DYM: variants seen among roughly 807,000 people sequenced by gnomAD.
DYM encodes dymeclin.
In DYM, 78 loss-of-function variants were observed where a neutral mutation model predicts 93.1. The ratio of observed to expected loss-of-function variants is 0.84; its 90% CI spans 0.70 to 1.01. DYM has a LOEUF of 1.01. DYM is among the 50% of genes least tolerant of loss of function. The probability of loss-of-function intolerance (pLI) is 0.00; values close to 1 mark genes in which losing one functional copy is unlikely to be tolerated. For missense variants in DYM, 789 were observed against 845.0 expected (o/e 0.93, Z 0.82); for synonymous variants, 321 against 319.7 (o/e 1.00, Z -0.04).
chr18:49,336,250 A>G (rs76378540), intron 6 of DYM, among the ~76,000 whole-genome samples: 12,229 of 152,262 alleles, frequency 0.08, 776 homozygotes, highest in East Asian at 0.31. Flanking sequence ...ACCAAAATCT[A>G]TGACTATTAA....
chr18:49,214,256 A>C (rs958680871), intron 13 of DYM, among the ~76,000 whole-genome samples: 1 of 152,214 alleles, frequency 6.6e-6, no homozygotes, highest in African/African-American at 2.4e-5. Flanking sequence ...GCCACTCCCC[A>C]CTGCTTGCAT....
intron 14 of DYM, among the ~76,000 whole-genome samples, chr18:49,201,827 G>C (rs1046301108): frequency 6.6e-6 from 1 of 152,126 alleles, no homozygotes; most frequent in Non-Finnish European, 1.5e-5. Context: ...AGAAGAGATC[G>C]CTTTTTATAT....
chr18:49,385,796 C>A (rs1235538738), intron 3 of DYM, among the ~76,000 whole-genome samples: 5 of 151,560 alleles, frequency 3.3e-5, no homozygotes, highest in African/African-American at 9.7e-5. Flanking sequence ...ATGGCCAGTG[C>A]TTTGGGAGGC....
intron 8 of DYM, among the ~76,000 whole-genome samples, chr18:49,291,164 A>G (rs1001828010): frequency 1.3e-5 from 2 of 152,196 alleles, no homozygotes; most frequent in Admixed American, 1.3e-4. Flanking sequence ...CCTTTTTACA[A>G]AAACACTTAT....
intron 13 of DYM, among the ~76,000 whole-genome samples, chr18:49,210,196 T>G (rs2092715556): frequency 6.6e-6 from 1 of 152,212 alleles, no homozygotes; most frequent in Non-Finnish European, 1.5e-5. Context: ...ATCCAGAAAT[T>G]GTGCTCTTTA....
At chr18:49,267,278 G>A (rs888820759) in intron 11 of DYM, among the ~76,000 whole-genome samples, 11 of 151,282 alleles carry the variant, frequency 7.3e-5, no homozygotes, top group African/African-American at 2.7e-4. Flanking sequence ...TAAAAGAAAT[G>A]TACAAATTCC....
At chr18:49,193,029 T>C (rs1960660206) in intron 14 of DYM, among the ~76,000 whole-genome samples, 2 of 152,156 alleles carry the variant, frequency 1.3e-5, no homozygotes, top group African/African-American at 2.4e-5. Flanking sequence ...CATTTCAATA[T>C]CACTAACAGT....
At chr18:49,074,246 GT>G (rs1480467017) in intron 17 of DYM, among the ~76,000 whole-genome samples, 12 of 152,134 alleles carry the variant, frequency 7.9e-5, no homozygotes, top group African/African-American at 2.7e-4. Context: ...ATTACAGACT[GT>G]TTTTTCTTGC....
At chr18:49,054,195 A>G (rs1320970388) in intron 17 of DYM, among the ~76,000 whole-genome samples, 1 of 152,226 alleles carries the variant, frequency 6.6e-6, no homozygotes, top group Admixed American at 6.5e-5. Context: ...TCAGCAATGA[A>G]TGTGGAAAAG....
intron 17 of DYM, 76 bp downstream of exon 17, chr18:49,097,326 T>C: frequency 1.5e-6 from 2 of 1,310,188 alleles, no homozygotes; most frequent in Non-Finnish European, 2.2e-6. Flanking sequence ...TGATTCTGGA[T>C]AGGGTCTGCT....
At chr18:49,402,929 C>T (rs1454444494) in intron 2 of DYM, among the ~76,000 whole-genome samples, 1 of 152,116 alleles carries the variant, frequency 6.6e-6, no homozygotes, top group East Asian at 1.9e-4. Flanking sequence ...ATGACCTAGC[C>T]AAATTACTTA....
chr18:49,446,000 G>C (rs1326675101), intron 1 of DYM, among the ~76,000 whole-genome samples: 3 of 152,096 alleles, frequency 2.0e-5, no homozygotes, highest in Non-Finnish European at 4.4e-5. Flanking sequence ...ATAGGGGAAG[G>C]AAAGGGAAGA....
chr18:49,073,477 T>C (rs1219366358), intron 17 of DYM, among the ~76,000 whole-genome samples: 2 of 151,966 alleles, frequency 1.3e-5, no homozygotes, highest in East Asian at 1.9e-4. Context: ...AAATGAACAC[T>C]TGAAGGCAAG....
At chr18:49,450,071 G>A (rs1490840534) in intron 1 of DYM, among the ~76,000 whole-genome samples, 5 of 152,198 alleles carry the variant, frequency 3.3e-5, no homozygotes, top group African/African-American at 1.2e-4. Flanking sequence ...AGGGATAAGA[G>A]ATTATCTTAA....
intron 11 of DYM, among the ~76,000 whole-genome samples, chr18:49,260,130 G>A (rs1568122935): frequency 6.6e-6 from 1 of 152,128 alleles, no homozygotes; most frequent in African/African-American, 2.4e-5. Context: ...ATGGCAGCTG[G>A]GCACAGTGGC....
intron 1 of DYM, among the ~76,000 whole-genome samples, chr18:49,457,367 C>T (rs1197603506): frequency 6.6e-6 from 1 of 152,104 alleles, no homozygotes; most frequent in African/African-American, 2.4e-5. Flanking sequence ...TGTTTTAAGA[C>T]ATGAATATGA....
chr18:49,069,933 C>T (rs967321468), intron 17 of DYM, among the ~76,000 whole-genome samples: 10 of 152,188 alleles, frequency 6.6e-5, no homozygotes, highest in African/African-American at 1.7e-4. Context: ...CCCAGCTACT[C>T]GGGAGGCTGA....
chr18:49,210,133 T>C, intron 13 of DYM, among the ~76,000 whole-genome samples: 1 of 152,222 alleles, frequency 6.6e-6, no homozygotes, highest in Non-Finnish European at 1.5e-5. Flanking sequence ...TAAAGCTACT[T>C]TGGAATGCAG....
At chr18:49,292,355 GACACACACAC>G (rs57025579) in intron 8 of DYM, among the ~76,000 whole-genome samples, 2,493 of 84,730 alleles carry the variant, frequency 0.029, 82 homozygotes, top group African/African-American at 0.082. Context: ...CAGACAGACA[GACACACACAC>G]ACACACACAC....
Sources: allele counts gnomAD v4.1 joint callset (sites outside exome capture counted in the v4.1 genomes callset), GRCh38; gene constraint gnomAD v4.1.1; transcripts MANE v1.5; gene names NCBI Gene and HGNC (gene_info 2026-07-23, HGNC 2026-07-21).